Variants in ACSM5 observed in about 807,000 individuals in gnomAD.
The protein encoded by ACSM5 is acyl-CoA synthetase medium chain family member 5.
Under a neutral mutation model 71.6 loss-of-function variants are expected in ACSM5, and 56 were observed. The ratio of observed to expected loss-of-function variants is 0.78; its 90% CI spans 0.63 to 0.98. ACSM5 has a LOEUF of 0.98. Ranked by LOEUF, ACSM5 falls within the 50% of genes least tolerant of loss-of-function variation. The pLI, the probability that ACSM5 is intolerant of heterozygous loss-of-function variation, is 0.00. For synonymous variants in ACSM5, 285 were observed against 281.5 expected (o/e 1.01, Z -0.12); for missense variants, 723 against 726.0 (o/e 1.00, Z 0.05).
At chr16:20,438,877 C>A (rs1967256832) in intron 12 of ACSM5, among the ~76,000 whole-genome samples, 1 of 148,146 alleles carries the variant, frequency 6.8e-6, no homozygotes, top group African/African-American at 2.5e-5. Flanking sequence ...ATGGCGTGAA[C>A]CCAGGAGGCA....
intron 5 of ACSM5, 21 bp from the exon 6 acceptor site, chr16:20,423,895 A>T (rs1966925154): frequency 3.1e-6 from 5 of 1,613,636 alleles, no homozygotes; most frequent in Non-Finnish European, 4.2e-6. Context: ...AAGGTTACTG[A>T]CGTTCTCTAA....
rs984503539 is a variant in ACSM5, at chr16:20,431,311, A to G, written c.1298A>G (p.Asn433Ser). 17 of 1,613,718 alleles carry G rather than the reference A, an allele frequency of 1.1e-5. No homozygotes were observed. In the African/African-American group the frequency reaches 1.2e-4, roughly 11 times the overall value. ...CCCACTCGGCCCTTCTGTTTCTTCA[A>G]TTGCTATTTGGTAAGAGACGGGGAA... Reference protein sequence around the residue: ...IRPTRPFCFFNCYLDNPEKTA... With the variant: ...IRPTRPFCFFSCYLDNPEKTA... The change falls in exon 10 of 14, where the codon AAT becomes AGT. Residue 433 changes from asparagine (N) to serine (S), a missense_variant. By Grantham distance (46) the Asn-to-Ser change is conservative (BLOSUM62 1). Coordinates refer to ENST00000331849, the MANE Select transcript of ACSM5 (RefSeq NM_017888.3).
rs760777741 is a variant in ACSM5, at chr16:20,424,087, C to A, written c.921+18C>A. On this transcript the variant is annotated intron_variant, in intron 6 of 13. Transcript: ENST00000331849. ...TCCTGAATGTAAGAGGAAAAACCAA[C>A]AATACCCCATATGTGTTGGGTACAA... is the stretch of plus-strand genomic sequence containing the variant. 17 of 1,613,410 alleles carry A rather than the reference C, an allele frequency of 1.1e-5. No homozygotes were observed. In the East Asian group the frequency reaches 3.1e-4, roughly 30 times the overall value.
chr16:20,437,931 T>A (rs1967235213), intron 12 of ACSM5, among the ~76,000 whole-genome samples: 1 of 130,922 alleles, frequency 7.6e-6, no homozygotes, highest in Non-Finnish European at 1.6e-5. Context: ...CAAGTGATCT[T>A]CCTGCCCCAG....
chr16:20,435,594 T>A (rs1188999462), intron 10 of ACSM5, among the ~76,000 whole-genome samples: 3 of 152,160 alleles, frequency 2.0e-5, no homozygotes, highest in Non-Finnish European at 4.4e-5. Flanking sequence ...TAGGGAACAT[T>A]TTTCACTCCC....
chr16:20,421,455 G>T, intron 5 of ACSM5, 54 bp downstream of exon 5: 1 of 1,453,472 alleles, frequency 6.9e-7, no homozygotes. Flanking sequence ...GGAGTGGTCT[G>T]GAGGGGGTGG....
At chr16:20,431,742 G>A (rs1177856178) in intron 10 of ACSM5, among the ~76,000 whole-genome samples, 2 of 152,032 alleles carry the variant, frequency 1.3e-5, no homozygotes, top group Non-Finnish European at 2.9e-5. Flanking sequence ...CCTGAGGTCA[G>A]GAGTTCAACA....
At chr16:20,428,328 C>T (rs896794268) in intron 7 of ACSM5, among the ~76,000 whole-genome samples, 4 of 152,188 alleles carry the variant, frequency 2.6e-5, no homozygotes, top group South Asian at 2.1e-4. Context: ...AAGCCCGCAC[C>T]GCAGTAGATG....
At chr16:20,410,793 G>T (rs1966846214) in intron 1 of ACSM5, among the ~76,000 whole-genome samples, 1 of 151,898 alleles carries the variant, frequency 6.6e-6, no homozygotes, top group Non-Finnish European at 1.5e-5. Context: ...GACACTAAAA[G>T]CCCATCATGC....
chr16:20,419,624 T>C (rs1966869588), intron 4 of ACSM5, 189 bp downstream of exon 4: 2 of 607,936 alleles, frequency 3.3e-6, no homozygotes, highest in Non-Finnish European at 5.8e-6. Flanking sequence ...ATTCAGTCAG[T>C]GCTGGATTTG....
In ACSM5 at chr16:20,421,226, G is replaced by A. The variant is rs764718677; in HGVS notation, c.624-32G>A. On this transcript the variant is annotated intron_variant, in intron 4 of 13. Transcript: ENST00000331849. The stretch of plus-strand genomic sequence containing the variant: ...GGTGCTACTAACTGTTTTTACCGTG[G>A]TAGTGCCACCTAGTGTATTTACGTT... 4 of 1,536,206 alleles carry A rather than the reference G, an allele frequency of 2.6e-6. No homozygotes were observed. The South Asian group carries it at 3.6e-5, about 14-fold the overall frequency.
intron 4 of ACSM5, among the ~76,000 whole-genome samples, chr16:20,420,162 C>G (rs547153211): frequency 6.6e-6 from 1 of 152,200 alleles, no homozygotes; most frequent in African/African-American, 2.4e-5. Flanking sequence ...GGGGCCTGAA[C>G]CATTGAGTTA....
At position 20,433,394 on chromosome 16, in the gene ACSM5, T is replaced by C. The variant is rs1967138420; in HGVS notation, c.1308+2073T>C. On this transcript the variant is annotated intron_variant, in intron 10 of 13. Transcript: ENST00000331849. ...ATGCCCGTGTCAACTGTATATCCCA[T>C]ATAAGGAATGTGCTTATTTTCCTAG... is the stretch of plus-strand genomic sequence containing the variant. Among the ~76,000 whole-genome samples the C allele has an allele frequency of 3.3e-5, 5 of 152,322 alleles. No homozygotes were observed. The South Asian group carries it at 1.0e-3, about 32-fold the overall frequency.
chr16:20,427,715 T>C, intron 6 of ACSM5, 73 bp from the exon 7 acceptor site: 2 of 982,362 alleles, frequency 2.0e-6, no homozygotes, highest in Non-Finnish European at 3.3e-6. Context: ...ACTATAAAGA[T>C]GCATTTGGCT....
At chr16:20,422,425 A>G (rs1194483457) in intron 5 of ACSM5, among the ~76,000 whole-genome samples, 2 of 152,142 alleles carry the variant, frequency 1.3e-5, no homozygotes, top group African/African-American at 4.8e-5. Flanking sequence ...CACATTTTAA[A>G]TAATCCATTC....
chr16:20,423,906 T>C lies in ACSM5; in HGVS notation c.768-10T>C. Reference sequence around the variant, plus strand: ...TGCCAAGGTTACTGACGTTCTCTAATTTTTGGCAGACGGTGGGTGGCCTTG... The same window carrying C: ...TGCCAAGGTTACTGACGTTCTCTAACTTTTGGCAGACGGTGGGTGGCCTTG... On this transcript the variant is annotated splice_polypyrimidine_tract_variant and intron_variant, in intron 5 of 13. Transcript: ENST00000331849. 2 of 1,613,670 alleles carry C rather than the reference T, an allele frequency of 1.2e-6. No individual in the cohort carries two copies. Among genetic ancestry groups the C allele is most frequent in the East Asian group, 2.2e-5 (1 of 44,860 alleles).
intron 4 of ACSM5, chr16:20,419,751 T>C (rs1408214197): frequency 5.0e-6 from 2 of 401,660 alleles, no homozygotes; most frequent in Non-Finnish European, 9.4e-6. Flanking sequence ...AGGTGGTCAG[T>C]TAATAATAAA....
Position 20,431,223 on chromosome 16 carries a change from G to A in ACSM5, c.1210G>A (p.Val404Met). 2 of 1,614,020 alleles carry A rather than the reference G, an allele frequency of 1.2e-6. No individual in the cohort carries two copies. Among genetic ancestry groups the A allele is most frequent in the Non-Finnish European group, 1.7e-6 (2 of 1,179,894 alleles). ...KASPPYDVQI[V>M]DDEGNVLPPG... ...TCTGTGATGATTTCCTTACCAGATTGTGGATGATGAGGGCAACGTCCTGCC... is the reference window on the plus strand; with the variant it reads ...TCTGTGATGATTTCCTTACCAGATTATGGATGATGAGGGCAACGTCCTGCC... The change falls in exon 10 of 14, where the codon GTG becomes ATG. Residue 404 changes from valine to methionine, a missense_variant. Physicochemically the swap from Val to Met is conservative, Grantham distance 21. Coordinates refer to ENST00000331849, the MANE Select transcript of ACSM5 (RefSeq NM_017888.3).
chr16:20,411,971 A>G (rs1966848678), intron 2 of ACSM5: 1 of 416,202 alleles, frequency 2.4e-6, no homozygotes, highest in Non-Finnish European at 4.5e-6. Flanking sequence ...CCAGTTGTTC[A>G]TCAACTGAAG....
Sources: gnomAD v4.1 joint callset for allele counts (sites outside exome capture counted in the v4.1 genomes callset) on GRCh38, gnomAD v4.1.1 for gene constraint, MANE v1.5 for transcripts, NCBI Gene and HGNC (gene_info 2026-07-23, HGNC 2026-07-21) for gene names.